Variants in ADAMTS17 observed in about 807,000 individuals in gnomAD.
The protein encoded by ADAMTS17 is A disintegrin and metalloproteinase with thrombospondin motifs 17.
ADAMTS17 carries 113 observed loss-of-function variants against 141.5 expected under a neutral mutation model. The observed-to-expected ratio is 0.80, with a 90% CI of 0.69 to 0.93. ADAMTS17 has a LOEUF of 0.93. ADAMTS17 is among the 40% of genes least tolerant of loss of function. The probability of loss-of-function intolerance (pLI) is 0.00; values close to 1 mark genes in which losing one functional copy is unlikely to be tolerated. For missense variants in ADAMTS17, 1,659 were observed against 1,517.9 expected (o/e 1.09, Z -1.54); for synonymous variants, 768 against 630.6 (o/e 1.22, Z -3.27).
intron 3 of ADAMTS17, among the ~76,000 whole-genome samples, chr15:100,297,607 T>G (rs1482472892): frequency 6.6e-6 from 1 of 152,106 alleles, no homozygotes; most frequent in Admixed American, 6.6e-5. Context: ...AGTCACTGAA[T>G]TGGGGACCAC....
chr15:100,154,024 T>C (rs546485613), intron 9 of ADAMTS17, among the ~76,000 whole-genome samples: 49 of 152,210 alleles, frequency 3.2e-4, no homozygotes, highest in Non-Finnish European at 8.8e-5. Flanking sequence ...CTACTAAAAA[T>C]ACAAAAATTA....
At chr15:100,237,827 T>C (rs1313358734) in intron 7 of ADAMTS17, among the ~76,000 whole-genome samples, 1 of 152,172 alleles carries the variant, frequency 6.6e-6, no homozygotes, top group Non-Finnish European at 1.5e-5. Context: ...TTTCACGATG[T>C]TGGCCAGGCT....
intron 10 of ADAMTS17, among the ~76,000 whole-genome samples, chr15:100,140,729 C>A (rs1025881954): frequency 1.3e-5 from 2 of 151,928 alleles, no homozygotes; most frequent in African/African-American, 4.8e-5. Flanking sequence ...CAGGCTCCTT[C>A]CCACTGGTTA....
At chr15:100,279,433 GT>G (rs143306981) in intron 4 of ADAMTS17, among the ~76,000 whole-genome samples, 1,983 of 152,332 alleles carry the variant, frequency 0.013, 31 homozygotes, top group African/African-American at 0.045. Context: ...GAATAGGCAT[GT>G]CATCTCCCTA....
intron 6 of ADAMTS17, among the ~76,000 whole-genome samples, chr15:100,255,240 C>G (rs2043285578): frequency 1.3e-5 from 2 of 152,130 alleles, no homozygotes; most frequent in African/African-American, 4.8e-5. Flanking sequence ...AGGGATCAAC[C>G]ACAGAGGGTT....
intron 7 of ADAMTS17, 52 bp from the exon 8 acceptor site, chr15:100,199,475 C>T (rs1379312591): frequency 6.6e-7 from 1 of 1,520,276 alleles, no homozygotes; most frequent in African/African-American, 1.4e-5. Context: ...AGGCCCTGGT[C>T]TCACCGGGCA....
chr15:100,314,324 A>G (rs1237989094), intron 3 of ADAMTS17, among the ~76,000 whole-genome samples: 2 of 152,258 alleles, frequency 1.3e-5, no homozygotes, highest in African/African-American at 4.8e-5. Flanking sequence ...CAAATGGCGT[A>G]TTAGATAACA....
rs2060271686 is a variant in ADAMTS17 at position 99,974,256 on chromosome 15, T to C, written c.*146A>G. On this transcript the variant is annotated 3_prime_UTR_variant, in exon 22 of 22. Coordinates refer to ENST00000268070, the MANE Select transcript of ADAMTS17 (RefSeq NM_139057.4). The stretch of plus-strand genomic sequence containing the variant: ...AATATATTAAGTACGGAAGCACTAA[T>C]GGCAAACGCCAAGTCCACGCTCATG... 4 of 1,029,174 alleles carry C rather than the reference T, an allele frequency of 3.9e-6. No homozygotes were observed. In the Admixed American group the frequency reaches 5.7e-5, roughly 15 times the overall value. The allele number at this position is 1,029,174 out of a possible 1,614,324, so 63.8% of individuals were successfully genotyped here.
At chr15:100,069,019 T>C (rs1010954056) in intron 15 of ADAMTS17, among the ~76,000 whole-genome samples, 40 of 152,108 alleles carry the variant, frequency 2.6e-4, no homozygotes, top group Non-Finnish European at 4.1e-4. Flanking sequence ...AATGGCTAAC[T>C]AGAATAACCA....
At chr15:100,230,298 T>C (rs1347677629) in intron 7 of ADAMTS17, among the ~76,000 whole-genome samples, 1 of 152,152 alleles carries the variant, frequency 6.6e-6, no homozygotes, top group Non-Finnish European at 1.5e-5. Context: ...CTACAGAGCG[T>C]CCAGTGGGTC....
chr15:100,299,427 C>T (rs890313207), intron 3 of ADAMTS17, among the ~76,000 whole-genome samples: 8 of 151,514 alleles, frequency 5.3e-5, no homozygotes, highest in Admixed American at 2.6e-4. Context: ...ATGATTCTCA[C>T]CACCACTTTT....
chr15:100,137,573 A>G (rs563434500), intron 10 of ADAMTS17, among the ~76,000 whole-genome samples: 1 of 152,322 alleles, frequency 6.6e-6, no homozygotes, highest in Non-Finnish European at 1.5e-5. Context: ...AGCGAATAGC[A>G]GACTTTGTGG....
intron 10 of ADAMTS17, among the ~76,000 whole-genome samples, chr15:100,137,866 A>ACCAACACCCACCCTTTCACTG (rs1015330950): frequency 1.3e-5 from 2 of 151,466 alleles, no homozygotes; most frequent in East Asian, 1.9e-4. Flanking sequence ...CCCTTTCACT[A>ACCAACACCCACCCTTTCACTG]CCAACACCCA....
At chr15:100,011,449 G>A (rs531342415) in intron 18 of ADAMTS17, among the ~76,000 whole-genome samples, 1 of 147,726 alleles carries the variant, frequency 6.8e-6, no homozygotes, top group African/African-American at 2.5e-5. Context: ...GGAAAAGAAG[G>A]AAGGAAGGAA....
intron 10 of ADAMTS17, among the ~76,000 whole-genome samples, 171 bp downstream of exon 10, chr15:100,152,441 T>C (rs572300548): frequency 6.6e-6 from 1 of 152,322 alleles, no homozygotes; most frequent in African/African-American, 2.4e-5. Flanking sequence ...AGTGTGTTTA[T>C]GCATGTCTCT....
intron 7 of ADAMTS17, among the ~76,000 whole-genome samples, chr15:100,244,927 C>T (rs1179659109): frequency 1.3e-5 from 2 of 152,136 alleles, no homozygotes; most frequent in African/African-American, 2.4e-5. Context: ...TCTACTCCCC[C>T]TCGTGTTTTC....
At chr15:100,051,844 C>T in intron 16 of ADAMTS17, 113 bp from the exon 17 acceptor site, 28 of 1,366,478 alleles carry the variant, frequency 2.0e-5, no homozygotes, top group Non-Finnish European at 2.9e-5. Context: ...GGGTAACCAG[C>T]TCTTTTCTGG....
chr15:100,292,285 C>T lies in ADAMTS17; in HGVS notation c.617-10884G>A, dbSNP rs570185200. ...GAGACGCTCAGCCCGTGAGAATCTACGAGAGACACTCAGCCCGTGTGAAAC... is the reference window on the plus strand; with the variant it reads ...GAGACGCTCAGCCCGTGAGAATCTATGAGAGACACTCAGCCCGTGTGAAAC... On this transcript the variant is annotated intron_variant, in intron 3 of 21. Transcript: ENST00000268070. 8.2e-4 allele frequency among the ~76,000 whole-genome samples: 121 copies of T among 147,102 alleles called. 1 individual carries two copies. Among genetic ancestry groups the T allele is most frequent in the African/African-American group, 2.7e-3 (107 of 39,534 alleles).
At chr15:100,209,225 T>C (rs1240364939) in intron 7 of ADAMTS17, among the ~76,000 whole-genome samples, 1 of 151,254 alleles carries the variant, frequency 6.6e-6, no homozygotes, top group Non-Finnish European at 1.5e-5. Flanking sequence ...GGGGATGAAA[T>C]GTGGACTTTT....
Sources: gnomAD v4.1 joint callset for allele counts (sites outside exome capture counted in the v4.1 genomes callset) on GRCh38, gnomAD v4.1.1 for gene constraint, MANE v1.5 for transcripts, NCBI Gene and HGNC (gene_info 2026-07-23, HGNC 2026-07-21) for gene names.